Variants in EXT1 observed in about 807,000 individuals in gnomAD.
EXT1 encodes the protein exostosin glycosyltransferase 1, also known as exostosin-1.
EXT1 carries 20 observed loss-of-function variants against 82.5 expected under a neutral mutation model. The observed-to-expected ratio is 0.24, with a 90% confidence interval of 0.17 to 0.35. The LOEUF is 0.35. Ranked by LOEUF, EXT1 falls within the 10% of genes least tolerant of loss-of-function variation. The probability of loss-of-function intolerance (pLI) is 1.00; values close to 1 mark genes in which losing one functional copy is unlikely to be tolerated. For synonymous variants in EXT1, 348 were observed against 350.8 expected (o/e 0.99, Z 0.09); for missense variants, 757 against 936.5 (o/e 0.81, Z 2.50).
chr8:118,054,201 A>G (rs544606716), intron 1 of EXT1, among the ~76,000 whole-genome samples: 1 of 152,320 alleles, frequency 6.6e-6, no homozygotes, highest in South Asian at 2.1e-4. Flanking sequence ...CATTTTCACC[A>G]TAGCAATGGT....
intron 1 of EXT1, among the ~76,000 whole-genome samples, chr8:118,074,496 C>A (rs1458051472): frequency 1.3e-5 from 2 of 152,098 alleles, no homozygotes; most frequent in African/African-American, 4.8e-5. Context: ...CAGGCAGAGC[C>A]CCACGCGTGT....
intron 1 of EXT1, among the ~76,000 whole-genome samples, chr8:117,942,197 A>C (rs955710201): frequency 4.6e-5 from 7 of 152,154 alleles, no homozygotes; most frequent in Non-Finnish European, 8.8e-5. Context: ...TAAGTCTGTA[A>C]CCCAAATGAA....
chr8:118,102,080 A>G lies in EXT1; in HGVS notation c.962+8005T>C, dbSNP rs889846576. Among the ~76,000 whole-genome samples, 8 of 152,112 alleles carry G rather than the reference A, an allele frequency of 5.3e-5. No homozygotes were observed. In the East Asian group the frequency reaches 1.5e-3, roughly 29 times the overall value. On this transcript the variant is annotated intron_variant, in intron 1 of 10. Coordinates refer to ENST00000378204, the MANE Select transcript of EXT1 (RefSeq NM_000127.3). ...TCAGGAATTCAAGACCCGCCTGGCC[A>G]ATACAGCAAAACCCCATCTCTACTA... is the stretch of plus-strand genomic sequence containing the variant.
rs532130644 is a variant in EXT1, at chr8:118,086,946, A to G, written c.962+23139T>C. Among the ~76,000 whole-genome samples the G allele has an allele frequency of 4.6e-5, 7 of 152,322 alleles. No homozygotes were observed. The East Asian group carries it at 1.2e-3, about 25-fold the overall frequency. On this transcript the variant is annotated intron_variant, in intron 1 of 10. Transcript: ENST00000378204. ...GTTTTGATTCAAAAGAAAAGGGTAG[A>G]TATCACCTACAAGACTCTGCAACAT...
At chr8:117,931,987 A>G (rs1450313839) in intron 1 of EXT1, among the ~76,000 whole-genome samples, 1 of 152,230 alleles carries the variant, frequency 6.6e-6, no homozygotes, top group African/African-American at 2.4e-5. Flanking sequence ...AAGTGAATGC[A>G]TTTACTTTAT....
chr8:117,899,700 G>C (rs996126316), intron 1 of EXT1, among the ~76,000 whole-genome samples: 4 of 152,182 alleles, frequency 2.6e-5, no homozygotes, highest in Admixed American at 1.3e-4. Context: ...GGCCCTCAAG[G>C]CCTGTGTTTC....
chr8:117,966,008 A>ACACATATATACACACG (rs1310001965), intron 1 of EXT1, among the ~76,000 whole-genome samples: 3 of 152,018 alleles, frequency 2.0e-5, no homozygotes, highest in Non-Finnish European at 4.4e-5. Flanking sequence ...ACACACACAC[A>ACACATATATACACACG]CACATATATA....
At chr8:118,054,582 A>G (rs1000449174) in intron 1 of EXT1, among the ~76,000 whole-genome samples, 13 of 152,220 alleles carry the variant, frequency 8.5e-5, no homozygotes, top group Admixed American at 6.5e-4. Context: ...AAACGACCCT[A>G]AAATAAAGAT....
rs539777972 is a variant in EXT1, at chr8:117,940,699, T to C, written c.963-103498A>G. 2.6e-5 allele frequency among the ~76,000 whole-genome samples: 4 copies of C among 152,322 alleles called. No individual in the cohort carries two copies. In the South Asian group the frequency reaches 8.3e-4, roughly 32 times the overall value. ...AAGACTCGGGAGATGGTAACATCATTAGTTCAGAATGAGAATTTCTGGTCT... is the reference window on the plus strand; with the variant it reads ...AAGACTCGGGAGATGGTAACATCATCAGTTCAGAATGAGAATTTCTGGTCT... On this transcript the variant is annotated intron_variant, in intron 1 of 10. Coordinates refer to ENST00000378204, the MANE Select transcript of EXT1 (RefSeq NM_000127.3).
Position 118,032,362 on chromosome 8 carries a change from G to A in EXT1, c.962+77723C>T, listed in dbSNP as rs568616657. On this transcript the variant is annotated intron_variant, in intron 1 of 10. Coordinates refer to ENST00000378204, the MANE Select transcript of EXT1 (RefSeq NM_000127.3). Reference sequence around the variant, plus strand: ...ATCTGTGCTCCACAGAGTCCCCCAGGGGATTCCGAGGCATTTGAGAACCAC... The same window carrying A: ...ATCTGTGCTCCACAGAGTCCCCCAGAGGATTCCGAGGCATTTGAGAACCAC... Among the ~76,000 whole-genome samples, 17 of 151,704 alleles carry A rather than the reference G, an allele frequency of 1.1e-4. No homozygotes were observed. In the South Asian group the frequency reaches 3.5e-3, roughly 32 times the overall value.
At chr8:117,884,877 A>G (rs1813120522) in intron 1 of EXT1, among the ~76,000 whole-genome samples, 1 of 152,186 alleles carries the variant, frequency 6.6e-6, no homozygotes, top group Non-Finnish European at 1.5e-5. Flanking sequence ...ACCTGGCTCA[A>G]TTTCCCTTGA....
intron 1 of EXT1, among the ~76,000 whole-genome samples, chr8:117,942,140 C>T (rs780687439): frequency 1.3e-5 from 2 of 152,188 alleles, no homozygotes; most frequent in Non-Finnish European, 2.9e-5. Flanking sequence ...ATATTAAAAT[C>T]CAATTCTTCT....
chr8:117,841,460 T>C (rs1025746651), intron 1 of EXT1, among the ~76,000 whole-genome samples: 4 of 152,146 alleles, frequency 2.6e-5, no homozygotes, highest in African/African-American at 9.7e-5. Flanking sequence ...TGTTTTAAGA[T>C]GGACTAATTC....
intron 1 of EXT1, among the ~76,000 whole-genome samples, chr8:117,844,875 T>C (rs780717516): frequency 6.6e-6 from 1 of 150,404 alleles, no homozygotes; most frequent in Non-Finnish European, 1.5e-5. Context: ...AATTCCTTAC[T>C]CAAGACAGTT....
intron 1 of EXT1, among the ~76,000 whole-genome samples, chr8:117,940,082 A>G (rs1017304749): frequency 2.6e-5 from 4 of 152,198 alleles, no homozygotes; most frequent in African/African-American, 9.6e-5. Flanking sequence ...CATTACACCA[A>G]TAAGTCATGG....
chr8:117,906,480 TA>T (rs1554584987), intron 1 of EXT1, among the ~76,000 whole-genome samples: 1 of 152,192 alleles, frequency 6.6e-6, no homozygotes, highest in Non-Finnish European at 1.5e-5. Context: ...CCAATCAATC[TA>T]AGTTGCCATC....
chr8:118,076,961 A>G (rs1043820927), intron 1 of EXT1, among the ~76,000 whole-genome samples: 7 of 152,068 alleles, frequency 4.6e-5, no homozygotes, highest in Admixed American at 6.6e-5. Flanking sequence ...AACTAGAGGG[A>G]AAGGAAGGGG....
chr8:118,007,283 C>A (rs897044053), intron 1 of EXT1, among the ~76,000 whole-genome samples: 1 of 151,276 alleles, frequency 6.6e-6, no homozygotes, highest in African/African-American at 2.4e-5. Context: ...GGGGACACAG[C>A]GAGACACCAT....
intron 1 of EXT1, among the ~76,000 whole-genome samples, chr8:118,022,440 C>A (rs577341783): frequency 7.1e-6 from 1 of 141,110 alleles, no homozygotes; most frequent in Non-Finnish European, 1.5e-5. Flanking sequence ...CAGGTTCAAG[C>A]GATTCTCCTG....
Sources: gnomAD v4.1 joint callset for allele counts (sites outside exome capture counted in the v4.1 genomes callset) on GRCh38, gnomAD v4.1.1 for gene constraint, MANE v1.5 for transcripts, NCBI Gene and HGNC (gene_info 2026-07-23, HGNC 2026-07-21) for gene names.